Variants in GPC5 observed in about 807,000 individuals in gnomAD.
The protein encoded by GPC5 is glypican 5.
GPC5 carries 47 observed loss-of-function variants against 53.9 expected under a neutral mutation model. The observed-to-expected ratio is 0.87, with a 90% CI of 0.69 to 1.11. The LOEUF (loss-of-function observed/expected upper bound fraction) is 1.11, where lower values mean the gene tolerates loss of function less well. GPC5 is among the 50% of genes most tolerant of loss of function. GPC5 has a pLI of 0.00. For missense variants in GPC5, 748 were observed against 713.1 expected (o/e 1.05, Z -0.56); for synonymous variants, 286 against 263.3 (o/e 1.09, Z -0.84).
At chr13:92,568,447 C>T (rs1023514961) in intron 7 of GPC5, among the ~76,000 whole-genome samples, 19 of 152,158 alleles carry the variant, frequency 1.2e-4, no homozygotes, top group African/African-American at 4.1e-4. Flanking sequence ...TATTTATCCA[C>T]TGTCAGTATA....
intron 6 of GPC5, among the ~76,000 whole-genome samples, chr13:92,099,483 T>G (rs953444501): frequency 6.6e-6 from 1 of 152,208 alleles, no homozygotes; most frequent in Non-Finnish European, 1.5e-5. Flanking sequence ...ACTTTTACAC[T>G]CCTAATGTCC....
intron 7 of GPC5, among the ~76,000 whole-genome samples, chr13:92,222,205 G>A (rs2042454444): frequency 1.3e-5 from 2 of 152,140 alleles, no homozygotes; most frequent in East Asian, 1.9e-4. Context: ...AGCCCTCAGA[G>A]CACAGGAGGA....
intron 6 of GPC5, among the ~76,000 whole-genome samples, chr13:92,116,994 A>G (rs1255549647): frequency 6.6e-6 from 1 of 152,134 alleles, no homozygotes; most frequent in Non-Finnish European, 1.5e-5. Context: ...TGGGTTGTCT[A>G]TTCTCTAAAC....
rs369849033 is a variant in GPC5 at position 91,700,521 on chromosome 13, G to A, written c.1020+6640G>A. ...GCCTCCTAGAAGAGTGGTCCATCACGTTTGTGGACATCTCAAGTTGCTGGA... is the reference window on the plus strand; with the variant it reads ...GCCTCCTAGAAGAGTGGTCCATCACATTTGTGGACATCTCAAGTTGCTGGA... On this transcript the variant is annotated intron_variant, in intron 3 of 7. Coordinates refer to ENST00000377067, the MANE Select transcript of GPC5 (RefSeq NM_004466.6). Among the ~76,000 whole-genome samples, 14 of 152,274 alleles carry A rather than the reference G, an allele frequency of 9.2e-5. No homozygotes were observed. In the East Asian group the frequency reaches 1.5e-3, roughly 17 times the overall value.
In GPC5 at chr13:92,270,392, A is replaced by T. The variant is rs551913770; in HGVS notation, c.1561+125403A>T. On this transcript the variant is annotated intron_variant, in intron 7 of 7. Coordinates refer to ENST00000377067, the MANE Select transcript of GPC5 (RefSeq NM_004466.6). The stretch of plus-strand genomic sequence containing the variant: ...TATTCTCATGAGATCTGGTTGTTTA[A>T]AAGTGTGTAGCACCTCCACACCTCT... 2.0e-5 allele frequency among the ~76,000 whole-genome samples: 3 copies of T among 152,146 alleles called. No individual in the cohort carries two copies. The South Asian group carries it at 6.2e-4, about 32-fold the overall frequency.
chr13:91,841,011 T>C (rs1466743490), intron 5 of GPC5, among the ~76,000 whole-genome samples: 1 of 152,048 alleles, frequency 6.6e-6, no homozygotes, highest in African/African-American at 2.4e-5. Flanking sequence ...AATTGATTGT[T>C]AGCTACTATT....
intron 2 of GPC5, among the ~76,000 whole-genome samples, chr13:91,506,249 G>A (rs1397559637): frequency 2.0e-5 from 3 of 152,032 alleles, no homozygotes; most frequent in Non-Finnish European, 2.9e-5. Flanking sequence ...ATTTACTAGA[G>A]CATAATAAAT....
intron 2 of GPC5, among the ~76,000 whole-genome samples, chr13:91,568,929 G>C (rs1594266468): frequency 6.6e-6 from 1 of 151,708 alleles, no homozygotes; most frequent in Non-Finnish European, 1.5e-5. Context: ...TATTGTATTT[G>C]TAGTAGAAAC....
At chr13:91,546,575 A>G (rs1193149513) in intron 2 of GPC5, among the ~76,000 whole-genome samples, 9 of 152,018 alleles carry the variant, frequency 5.9e-5, no homozygotes, top group Admixed American at 1.3e-4. Context: ...TAGGTCTGTG[A>G]CATTTAAAGA....
intron 7 of GPC5, among the ~76,000 whole-genome samples, chr13:92,865,186 C>T (rs117579305): frequency 2.0e-4 from 30 of 152,186 alleles, no homozygotes; most frequent in East Asian, 7.7e-4. Context: ...TCATAACGTA[C>T]GGAAGTAATA....
At chr13:92,299,268 C>T (rs1566527162) in intron 7 of GPC5, among the ~76,000 whole-genome samples, 1 of 152,074 alleles carries the variant, frequency 6.6e-6, no homozygotes. Context: ...TCGAAGCAAA[C>T]TTCCACATGA....
In GPC5 at chr13:91,515,864, G is replaced by A. The variant is rs1217872054; in HGVS notation, c.325+66942G>A. 3.3e-5 allele frequency among the ~76,000 whole-genome samples: 5 copies of A among 152,296 alleles called. No individual in the cohort carries two copies. The East Asian group carries it at 9.6e-4, about 29-fold the overall frequency. On this transcript the variant is annotated intron_variant, in intron 2 of 7. Transcript: ENST00000377067. ...TTAATTGGACTTACAGTTCCATATGGCTGGGGAGGTCTCAGAATCATGGCA... is the reference window on the plus strand; with the variant it reads ...TTAATTGGACTTACAGTTCCATATGACTGGGGAGGTCTCAGAATCATGGCA...
chr13:92,041,514 G>A (rs2040941548), intron 6 of GPC5, among the ~76,000 whole-genome samples: 1 of 152,048 alleles, frequency 6.6e-6, no homozygotes, highest in African/African-American at 2.4e-5. Flanking sequence ...TTTAACCCAG[G>A]GGTGTCTTAT....
At chr13:91,819,706 T>C (rs1165215545) in intron 5 of GPC5, among the ~76,000 whole-genome samples, 4 of 152,192 alleles carry the variant, frequency 2.6e-5, no homozygotes, top group African/African-American at 9.6e-5. Flanking sequence ...TAACATTACT[T>C]AGAGCTGCCT....
intron 7 of GPC5, among the ~76,000 whole-genome samples, chr13:92,183,576 CTT>C (rs1229041344): frequency 6.6e-6 from 1 of 151,982 alleles, no homozygotes; most frequent in Non-Finnish European, 1.5e-5. Context: ...TTTTGAGTCA[CTT>C]ATATATAAAT....
intron 7 of GPC5, among the ~76,000 whole-genome samples, chr13:92,807,636 C>T (rs1321488993): frequency 6.6e-6 from 1 of 151,988 alleles, no homozygotes; most frequent in Non-Finnish European, 1.5e-5. Context: ...TGACTGGGAA[C>T]GTTGTTTATA....
intron 7 of GPC5, among the ~76,000 whole-genome samples, chr13:92,743,246 C>T (rs1274038942): frequency 6.6e-6 from 1 of 151,988 alleles, no homozygotes; most frequent in Non-Finnish European, 1.5e-5. Context: ...TTACTTGTAT[C>T]CTCTTTTATT....
intron 5 of GPC5, among the ~76,000 whole-genome samples, chr13:91,857,020 A>G (rs1019260070): frequency 1.3e-5 from 2 of 150,950 alleles, no homozygotes; most frequent in South Asian, 2.1e-4. Context: ...TTTCTTTCCA[A>G]TTTGAATTGC....
intron 5 of GPC5, among the ~76,000 whole-genome samples, chr13:91,811,559 C>T (rs570937478): frequency 3.3e-5 from 5 of 152,192 alleles, no homozygotes; most frequent in Admixed American, 6.6e-5. Flanking sequence ...GTTATTACAA[C>T]GTTCAGTTTC....
Sources: gnomAD v4.1 joint callset for allele counts (sites outside exome capture counted in the v4.1 genomes callset) on GRCh38, gnomAD v4.1.1 for gene constraint, MANE v1.5 for transcripts, NCBI Gene and HGNC (gene_info 2026-07-23, HGNC 2026-07-21) for gene names.